SRCAP: variants seen among roughly 807,000 people sequenced by gnomAD.
The protein encoded by SRCAP is Snf2 related CREBBP activator protein.
A neutral mutation model predicts 263.1 loss-of-function variants in SRCAP; 46 were observed. The ratio of observed to expected loss-of-function variants is 0.17; its 90% CI spans 0.14 to 0.22. The LOEUF is 0.22. Ranked by LOEUF, SRCAP falls within the 10% of genes least tolerant of loss-of-function variation. The pLI, the probability that SRCAP is intolerant of heterozygous loss-of-function variation, is 1.00. For synonymous variants in SRCAP, 1,813 were observed against 1,662.1 expected, an observed-to-expected ratio of 1.09 and a Z score of -2.21; for missense variants, 3,695 against 4,181.9, an observed-to-expected ratio of 0.88 and a Z score of 3.21.
chr16:30,719,443 C>T (rs955509200), intron 18 of SRCAP, among the ~76,000 whole-genome samples: 17 of 151,940 alleles, frequency 1.1e-4, no homozygotes, highest in Non-Finnish European at 4.4e-5. Context: ...TCTTGAACTC[C>T]TGACCTCGTG....
At chr16:30,701,282 A>G (rs1209484162) in intron 3 of SRCAP, 2 of 165,228 alleles carry the variant, frequency 1.2e-5, no homozygotes, top group African/African-American at 4.8e-5. Flanking sequence ...TGACTTTTAA[A>G]CACATCTAGG....
rs368981651 is a variant in SRCAP at position 30,713,546 on chromosome 16, T to C, written c.2328T>C (p.Thr776=). 53 of 1,614,158 alleles carry C rather than the reference T, an allele frequency of 3.3e-5. No individual in the cohort carries two copies. In the East Asian group the frequency reaches 4.0e-4, roughly 12 times the overall value. Residue 776 remains threonine, a synonymous_variant, in exon 16 of 34, where the codon ACT becomes ACC. Coordinates refer to ENST00000262518, the MANE Select transcript of SRCAP (RefSeq NM_006662.3). ...AGAGACGCCTGCTCCTGACAGGAAC[T>C]CCCTTGCAGAACAGCCTCATGGAGC... ...NSQRRLLLTG[T]PLQNSLMELW...
chr16:30,704,172 T>G lies in SRCAP; in HGVS notation c.163T>G (p.Ser55Ala), dbSNP rs763828860. 14 of 1,614,038 alleles carry G rather than the reference T, an allele frequency of 8.7e-6. No individual in the cohort carries two copies. The highest frequency in any genetic ancestry group is 1.1e-5 in the Non-Finnish European group (13 of 1,180,028). The change falls in exon 4 of 34, where the codon TCC (serine) becomes GCC (alanine). Residue 55 changes from serine to alanine, a missense_variant. Coordinates refer to ENST00000262518, the MANE Select transcript of SRCAP (RefSeq NM_006662.3). ...CTCCCCGCAGCACATAGCTCAAGAT[T>G]CCTCACTGGATGGACCTCCAGGCCC... ...GISPQHIAQD[S>A]SLDGPPGPPD...
chr16:30,726,424 GT>G (rs1287006728), intron 25 of SRCAP, among the ~76,000 whole-genome samples: 2 of 151,988 alleles, frequency 1.3e-5, no homozygotes, highest in African/African-American at 4.8e-5. Context: ...GGTTTTAACT[GT>G]TTAAGGAACT....
Position 30,739,776 on chromosome 16 carries a change from C to T in SRCAP, c.*43C>T, listed in dbSNP as rs764402414. 44 of 1,449,606 alleles carry T rather than the reference C, an allele frequency of 3.0e-5. No homozygotes were observed. The highest frequency in any genetic ancestry group is 5.0e-5 in the East Asian group (2 of 39,860). 89.8% of individuals were successfully genotyped at this position (1,449,606 alleles called of 1,614,324 possible). A position where few individuals can be genotyped will look rare whatever the true frequency, so the allele number is the denominator to read the frequency against. On this transcript the variant is annotated 3_prime_UTR_variant, in exon 34 of 34. Coordinates refer to ENST00000262518, the MANE Select transcript of SRCAP (RefSeq NM_006662.3). ...CTAGGCTTTCCACCGTGGCCACTCCCTCCATGACCAGGCCTGACTCTGTTA... is the reference window on the plus strand; with the variant it reads ...CTAGGCTTTCCACCGTGGCCACTCCTTCCATGACCAGGCCTGACTCTGTTA...
chr16:30,738,136 C>T lies in SRCAP; in HGVS notation c.8096C>T (p.Ala2699Val), dbSNP rs747073084. 5.0e-6 allele frequency: 8 copies of T among 1,614,058 alleles called. No homozygotes were observed. The Admixed American group carries it at 1.3e-4, about 27-fold the overall frequency. The change falls in exon 34 of 34, where the codon GCA becomes GTA. Residue 2699 changes from alanine (A) to valine (V), a missense_variant. This residue lies in a region of SRCAP where 1,207 missense variants were observed against 1,142.9 expected (regional missense o/e 1.06). Coordinates refer to ENST00000262518, the MANE Select transcript of SRCAP (RefSeq NM_006662.3). Reference protein sequence around the residue: ...KPQELVTAEVAAPSTSSSATS... With the variant: ...KPQELVTAEVVAPSTSSSATS... Reference sequence around the variant, plus strand: ...CAGGAACTCGTTACAGCTGAGGTTGCAGCTCCATCCACCTCATCTTCAGCC... The same window carrying T: ...CAGGAACTCGTTACAGCTGAGGTTGTAGCTCCATCCACCTCATCTTCAGCC...
At position 30,738,745 on chromosome 16, in the gene SRCAP, T is replaced by C. The variant is rs2151300952; in HGVS notation, c.8705T>C (p.Ile2902Thr). 1 of 1,614,038 alleles carries C rather than the reference T, an allele frequency of 6.2e-7. No individual in the cohort carries two copies. The highest frequency in any genetic ancestry group is 8.5e-7 in the Non-Finnish European group (1 of 1,179,978). Reference sequence around the variant, plus strand: ...CCAGTCCCTGGGCCTGAGACCCTAATTGTTGCAGATCCTGTCCTGGAACCA... The same window carrying C: ...CCAGTCCCTGGGCCTGAGACCCTAACTGTTGCAGATCCTGTCCTGGAACCA... ...ADPVPGPETL[I>T]VADPVLEPQL... The change falls in exon 34 of 34, where the codon ATT becomes ACT. Residue 2902 changes from isoleucine to threonine, a missense_variant. Around this residue, in one of 12 missense-constraint regions of SRCAP, gnomAD observed 1,207 missense variants for 1,142.9 expected, o/e 1.06. Transcript: ENST00000262518.
chr16:30,711,012 G>C lies in SRCAP; in HGVS notation c.1242G>C (p.Glu414Asp). The C allele has an allele frequency of 6.2e-7, 1 of 1,614,028 alleles. No homozygotes were observed. The highest frequency in any genetic ancestry group is 8.5e-7 in the Non-Finnish European group (1 of 1,179,972). ...TANEEEAEDE[E>D]DTIAAEEQLE... ...TCTCTTTCCTAGCGGAGGATGAAGA[G>C]GATACTATAGCAGCTGAGGAACAGT... The change falls in exon 10 of 34, where the codon GAG (glutamate) becomes GAC (aspartate). Residue 414 changes from glutamate (E) to aspartate (D), a missense_variant. Physicochemically the swap from Glu to Asp is conservative, Grantham distance 45. Coordinates refer to ENST00000262518, the MANE Select transcript of SRCAP (RefSeq NM_006662.3).
intron 14 of SRCAP, 56 bp downstream of exon 14, chr16:30,712,871 C>A: frequency 8.2e-6 from 13 of 1,586,324 alleles, no homozygotes; most frequent in Non-Finnish European, 1.1e-5. Flanking sequence ...TATTTTTAAG[C>A]CCTTTCCTCA....
At position 30,738,262 on chromosome 16, in the gene SRCAP, C is replaced by G. The variant is rs2053180622; in HGVS notation, c.8222C>G (p.Pro2741Arg). The change falls in exon 34 of 34, where the codon CCA becomes CGA. Residue 2741 changes from proline to arginine, a missense_variant. Pro to Arg is a moderately radical substitution (Grantham distance 103). Transcript: ENST00000262518. ...RGQGTGRPGQ[P>R]PGPKVLRKLP... ...CAAGGGACTGGTCGGCCAGGACAAC[C>G]ACCAGGCCCCAAAGTGCTTCGAAAG... 1.2e-6 allele frequency: 2 copies of G among 1,611,412 alleles called. No homozygotes were observed.
chr16:30,737,594 C>T lies in SRCAP; in HGVS notation c.7554C>T (p.Thr2518=). ...CTCATACACCGCCTCCAGCCCAAAC[C>T]TGTCTTGTAACTCCTTCCTCTCCTC... The part of the protein sequence containing the change: ...PPAHTPPPAQ[T]CLVTPSSPLL... Residue 2518 remains threonine (T), a synonymous_variant, in exon 34 of 34, where the codon ACC becomes ACT. Coordinates refer to ENST00000262518, the MANE Select transcript of SRCAP (RefSeq NM_006662.3). The T allele has an allele frequency of 6.2e-7, 1 of 1,614,112 alleles. No homozygotes were observed. Among genetic ancestry groups the T allele is most frequent in the Non-Finnish European group, 8.5e-7 (1 of 1,180,020 alleles).
chr16:30,722,031 A>T, intron 21 of SRCAP, 91 bp from the exon 22 acceptor site: 2 of 1,483,390 alleles, frequency 1.3e-6, no homozygotes, highest in Non-Finnish European at 1.8e-6. Flanking sequence ...TTTGAACTGG[A>T]CACTCGGGGG....
At chr16:30,735,171 G>A (rs1436463057) in intron 31 of SRCAP, among the ~76,000 whole-genome samples, 15 of 120,148 alleles carry the variant, frequency 1.2e-4, no homozygotes, top group African/African-American at 5.4e-4. Context: ...TTTTGAGACG[G>A]AGTCTCGCTC....
At chr16:30,717,614 T>TA in intron 18 of SRCAP, among the ~76,000 whole-genome samples, 1 of 141,600 alleles carries the variant, frequency 7.1e-6, no homozygotes, top group African/African-American at 2.6e-5. Context: ...GCCTGGCTTT[T>TA]TTTTTTTTTT....
At chr16:30,700,977 G>C in intron 3 of SRCAP, 99 bp downstream of exon 3, 1 of 1,340,954 alleles carries the variant, frequency 7.5e-7, no homozygotes, top group South Asian at 1.2e-5. Flanking sequence ...GGAGAGTTTT[G>C]GAGAATCTTT....
rs199841941 is a variant in SRCAP at position 30,711,591 on chromosome 16, C to T, written c.1339C>T (p.Leu447=). The change falls in exon 11 of 34, where the codon CTA becomes TTA. Residue 447 remains leucine, a synonymous_variant. Transcript: ENST00000262518. The stretch of plus-strand genomic sequence containing the variant: ...TCCAGGTGAGCTTTCCATGGAGGAG[C>T]TATTGCAGCAGTATGCAGGAGCCTA... The part of the protein sequence containing the change: ...AREGELSMEE[L]LQQYAGAYAP... 4.3e-5 allele frequency: 69 copies of T among 1,595,076 alleles called. No individual in the cohort carries two copies. The highest frequency in any genetic ancestry group is 5.6e-5 in the Non-Finnish European group (66 of 1,173,490).
At chr16:30,713,827 C>T (rs2052916502) in intron 16 of SRCAP, 116 bp downstream of exon 16, 11 of 891,280 alleles carry the variant, frequency 1.2e-5, no homozygotes, top group South Asian at 8.2e-5. Context: ...GGCTAAACTC[C>T]TTTGTCAAGC....
At chr16:30,731,631 T>C (rs1252364216) in intron 27 of SRCAP, among the ~76,000 whole-genome samples, 1 of 152,176 alleles carries the variant, frequency 6.6e-6, no homozygotes, top group African/African-American at 2.4e-5. Context: ...TTGGGTAGGC[T>C]GAGGTGGGCA....
intron 18 of SRCAP, among the ~76,000 whole-genome samples, chr16:30,719,797 A>G (rs1293412851): frequency 6.6e-6 from 1 of 152,160 alleles, no homozygotes; most frequent in East Asian, 1.9e-4. Context: ...TACAGGTTTG[A>G]GCCACCGTGC....
Sources: allele counts gnomAD v4.1 joint callset (sites outside exome capture counted in the v4.1 genomes callset), GRCh38; gene constraint gnomAD v4.1.1; regional missense constraint gnomAD v4.1.1; transcripts MANE v1.5; gene names NCBI Gene and HGNC (gene_info 2026-07-23, HGNC 2026-07-21).